The following GCN1 variants were observed in gnomAD, a reference collection of about 807,000 sequenced individuals.
GCN1 encodes GCN1 activator of EIF2AK4.
GCN1 carries 90 observed loss-of-function variants against 288.4 expected under a neutral mutation model. The observed-to-expected ratio is 0.31, with a 90% CI of 0.26 to 0.37. GCN1 has a LOEUF of 0.37. GCN1 is among the 10% of genes least tolerant of loss of function. The pLI, the probability that GCN1 is intolerant of heterozygous loss-of-function variation, is 1.00. For missense variants in GCN1, 2,586 were observed against 3,419.9 expected, an observed-to-expected ratio of 0.76 and a Z score of 6.08; for synonymous variants, 1,386 against 1,420.2, an observed-to-expected ratio of 0.98 and a Z score of 0.54.
chr12:120,149,420 C>T (rs957288502), intron 36 of GCN1, among the ~76,000 whole-genome samples, 186 bp downstream of exon 36: 1 of 151,928 alleles, frequency 6.6e-6, no homozygotes, highest in African/African-American at 2.4e-5. Flanking sequence ...GGTTTGAGCC[C>T]CAAAGGTAAA....
In GCN1 at chr12:120,138,682, T is replaced by C; in HGVS notation, c.6156+13A>G. 1 of 1,607,796 alleles carries C rather than the reference T, an allele frequency of 6.2e-7. No homozygotes were observed. The highest frequency in any genetic ancestry group is 8.5e-7 in the Non-Finnish European group (1 of 1,174,640). ...GCCAAACTGGTAGGTAGGTGTGTGGTAGATCCACTCACCAGCTGCTTTAGT... is the reference window on the plus strand; with the variant it reads ...GCCAAACTGGTAGGTAGGTGTGTGGCAGATCCACTCACCAGCTGCTTTAGT... On this transcript the variant is annotated intron_variant, in intron 46 of 57. Transcript: ENST00000300648.
At chr12:120,179,680 T>C (rs1440870785) in intron 5 of GCN1, among the ~76,000 whole-genome samples, 1 of 151,812 alleles carries the variant, frequency 6.6e-6, no homozygotes, top group Non-Finnish European at 1.5e-5. Flanking sequence ...ATTACAGGCG[T>C]GAGCCACTGC....
In GCN1 at chr12:120,158,385, G is replaced by A; in HGVS notation, c.2905+75C>T. Reference sequence around the variant, plus strand: ...CCCCCAGGCTCAGGAGGCCCTGGGTGACGCTGTGCCTTGAGCAGCATTCCT... The same window carrying A: ...CCCCCAGGCTCAGGAGGCCCTGGGTAACGCTGTGCCTTGAGCAGCATTCCT... On this transcript the variant is annotated intron_variant, in intron 25 of 57. Coordinates refer to ENST00000300648, the MANE Select transcript of GCN1 (RefSeq NM_006836.2). The surrounding 1 kb of genome is among the most constrained non-coding windows in gnomAD (Gnocchi z 4.3). 7.8e-7 allele frequency: 1 copy of A among 1,277,826 alleles called. No homozygotes were observed. The highest frequency in any genetic ancestry group is 1.1e-6 in the Non-Finnish European group (1 of 935,204). The allele number at this position is 1,277,826 out of a possible 1,614,324, so 79.2% of individuals were successfully genotyped here.
At chr12:120,168,729 C>A (rs182661884) in intron 15 of GCN1, among the ~76,000 whole-genome samples, 19 of 152,290 alleles carry the variant, frequency 1.2e-4, no homozygotes, top group South Asian at 1.2e-3. Flanking sequence ...ACCCACCCCC[C>A]CAACTAAAAG....
intron 12 of GCN1, among the ~76,000 whole-genome samples, chr12:120,174,945 G>C (rs1234787594): frequency 6.6e-6 from 1 of 151,410 alleles, no homozygotes; most frequent in Non-Finnish European, 1.5e-5. Flanking sequence ...GGCCAATATG[G>C]TGAAACCCCA....
chr12:120,129,089 A>T (rs1050130287), intron 57 of GCN1, among the ~76,000 whole-genome samples, 187 bp downstream of exon 57: 6 of 152,082 alleles, frequency 3.9e-5, no homozygotes, highest in Non-Finnish European at 1.5e-5. Flanking sequence ...TCAGCCTCCC[A>T]AAGTGCTGGG....
At chr12:120,154,676 T>C (rs569523734) in intron 31 of GCN1, among the ~76,000 whole-genome samples, 2 of 152,268 alleles carry the variant, frequency 1.3e-5, no homozygotes, top group East Asian at 3.9e-4. Context: ...CTAAGGAACT[T>C]ACTTAGAGTT....
chr12:120,155,043 G>C lies in GCN1; in HGVS notation c.3631-3C>G. ...GCATCCAGCACTGGGGGCGGCCGCTGCAACAGACAAGTTGGTAAATGCTTT... is the reference window on the plus strand; with the variant it reads ...GCATCCAGCACTGGGGGCGGCCGCTCCAACAGACAAGTTGGTAAATGCTTT... On this transcript the variant is annotated splice_region_variant and splice_polypyrimidine_tract_variant and intron_variant, in intron 30 of 57. Transcript: ENST00000300648. This position sits in a 1 kb window ranked among gnomAD's most constrained non-coding sequence, Gnocchi z 4.9. 3 of 1,612,928 alleles carry C rather than the reference G, an allele frequency of 1.9e-6. No homozygotes were observed. The highest frequency in any genetic ancestry group is 2.5e-6 in the Non-Finnish European group (3 of 1,178,866).
chr12:120,137,189 A>C lies in GCN1; in HGVS notation c.6777+17T>G. ...AGACTGCACGCCCACAGCCCCCTGC[A>C]CGAGGCCCTGGCTTACCTTCTTCGG... is the stretch of plus-strand genomic sequence containing the variant. On this transcript the variant is annotated intron_variant, in intron 50 of 57. Transcript: ENST00000300648. The surrounding 1 kb of genome is among the most constrained non-coding windows in gnomAD (Gnocchi z 5.2). 6.3e-7 allele frequency: 1 copy of C among 1,584,982 alleles called. No homozygotes were observed. Among genetic ancestry groups the C allele is most frequent in the Non-Finnish European group, 8.7e-7 (1 of 1,153,850 alleles).
intron 38 of GCN1, among the ~76,000 whole-genome samples, chr12:120,145,930 G>A (rs1350892721): frequency 6.6e-6 from 1 of 152,124 alleles, no homozygotes; most frequent in South Asian, 2.1e-4. Context: ...TTGGGAATAA[G>A]TTTTAAGTTT....
intron 35 of GCN1, 63 bp downstream of exon 35, chr12:120,149,859 C>T: frequency 1.2e-6 from 2 of 1,605,508 alleles, no homozygotes; most frequent in South Asian, 2.2e-5. Flanking sequence ...GGCCTGCAGA[C>T]ACAGCTGGGA....
chr12:120,186,870 A>C (rs984013979), intron 2 of GCN1, among the ~76,000 whole-genome samples: 1 of 152,222 alleles, frequency 6.6e-6, no homozygotes, highest in African/African-American at 2.4e-5. Context: ...AGCAGGTCAC[A>C]CAGCCTGTAA....
At position 120,155,157 on chromosome 12, in the gene GCN1, C is replaced by T; in HGVS notation, c.3630+84G>A. On this transcript the variant is annotated intron_variant, in intron 30 of 57. Transcript: ENST00000300648. This position sits in a 1 kb window ranked among gnomAD's most constrained non-coding sequence, Gnocchi z 4.9. ...CTGAGCCACCGTGAGCCCCGAGATT[C>T]CTGTCTGGAGCAGTAGCGGGGTGAG... 2 of 1,536,210 alleles carry T rather than the reference C, an allele frequency of 1.3e-6. No homozygotes were observed. The highest frequency in any genetic ancestry group is 1.7e-4 in the Middle Eastern group (1 of 5,904).
At chr12:120,165,012 C>T (rs1316873683) in intron 16 of GCN1, among the ~76,000 whole-genome samples, 1 of 142,154 alleles carries the variant, frequency 7.0e-6, no homozygotes, top group African/African-American at 2.7e-5. Context: ...TACACACACA[C>T]ACACACACAC....
Position 120,155,172 on chromosome 12 carries a change from A to G in GCN1, c.3630+69T>C. On this transcript the variant is annotated intron_variant, in intron 30 of 57. Coordinates refer to ENST00000300648, the MANE Select transcript of GCN1 (RefSeq NM_006836.2). The surrounding 1 kb of genome is among the most constrained non-coding windows in gnomAD (Gnocchi z 4.9). ...CCCCGAGATTCCTGTCTGGAGCAGT[A>G]GCGGGGTGAGCAGAGACCCACCCAA... is the stretch of plus-strand genomic sequence containing the variant. 6.5e-7 allele frequency: 1 copy of G among 1,540,450 alleles called. No individual in the cohort carries two copies. Among genetic ancestry groups the G allele is most frequent in the Admixed American group, 1.7e-5 (1 of 59,812 alleles).
chr12:120,172,280 T>C (rs1328665900), intron 14 of GCN1, among the ~76,000 whole-genome samples: 3 of 152,224 alleles, frequency 2.0e-5, no homozygotes, highest in African/African-American at 7.2e-5. Flanking sequence ...GCACTACCTG[T>C]GGTTTGAATA....
chr12:120,175,126 C>CAAAAAA (rs58560211), intron 12 of GCN1, 36 bp downstream of exon 12: 53 of 1,064,964 alleles, frequency 5.0e-5, no homozygotes, highest in Admixed American at 7.5e-5. Flanking sequence ...GACTTTCTCT[C>CAAAAAA]AAAAAAAAAA....
chr12:120,155,180 G>A lies in GCN1; in HGVS notation c.3630+61C>T, dbSNP rs1452424365. ...TTCCTGTCTGGAGCAGTAGCGGGGT[G>A]AGCAGAGACCCACCCAACCGCACAC... On this transcript the variant is annotated intron_variant, in intron 30 of 57. Transcript: ENST00000300648. This position sits in a 1 kb window ranked among gnomAD's most constrained non-coding sequence, Gnocchi z 4.9. 1.1e-5 allele frequency: 17 copies of A among 1,558,896 alleles called. No individual in the cohort carries two copies. Among genetic ancestry groups the A allele is most frequent in the Non-Finnish European group, 1.5e-5 (17 of 1,130,338 alleles).
intron 51 of GCN1, 107 bp downstream of exon 51, chr12:120,136,395 G>A (rs898350915): frequency 9.9e-6 from 8 of 807,586 alleles, no homozygotes; most frequent in Middle Eastern, 4.7e-4. Flanking sequence ...TCTGCTATGC[G>A]GCTCTCCACA....
Sources: gnomAD v4.1 joint callset for allele counts (sites outside exome capture counted in the v4.1 genomes callset) on GRCh38, gnomAD v4.1.1 for gene constraint, Gnocchi (gnomAD v3.1) non-coding constraint, MANE v1.5 for transcripts, NCBI Gene and HGNC (gene_info 2026-07-23, HGNC 2026-07-21) for gene names.